IKZF3: variants seen among roughly 807,000 people sequenced by gnomAD.
The protein encoded by IKZF3 is zinc finger protein Aiolos.
Under a neutral mutation model 49.0 loss-of-function variants are expected in IKZF3, and 10 were observed. The ratio of observed to expected loss-of-function variants is 0.20; its 90% CI spans 0.13 to 0.35. IKZF3 has a LOEUF of 0.35. Among genes scored for constraint, IKZF3 ranks in the 10% least tolerant of loss-of-function variants. The pLI, the probability that IKZF3 is intolerant of heterozygous loss-of-function variation, is 1.00. For synonymous variants in IKZF3, 209 were observed against 228.2 expected (o/e 0.92, Z 0.76); for missense variants, 498 against 664.8 (o/e 0.75, Z 2.76).
At chr17:39,856,026 T>C (rs904361114) in intron 1 of IKZF3, among the ~76,000 whole-genome samples, 1 of 145,830 alleles carries the variant, frequency 6.9e-6, no homozygotes, top group Non-Finnish European at 1.5e-5. Context: ...ATATTGTATA[T>C]GTACAATATA....
intron 1 of IKZF3, among the ~76,000 whole-genome samples, chr17:39,832,448 C>T (rs2062137541): frequency 1.3e-5 from 2 of 150,742 alleles, no homozygotes; most frequent in African/African-American, 4.9e-5. Flanking sequence ...TATTCTTCCC[C>T]AATATTTTAT....
chr17:39,771,833 G>A (rs1033868426), intron 7 of IKZF3, among the ~76,000 whole-genome samples: 4 of 152,086 alleles, frequency 2.6e-5, no homozygotes, highest in Admixed American at 1.3e-4. Flanking sequence ...TCAACCTCCT[G>A]GGCTCAAGTG....
chr17:39,848,073 CATGAAATACTT>C (rs2062686415), intron 1 of IKZF3, among the ~76,000 whole-genome samples: 1 of 152,148 alleles, frequency 6.6e-6, no homozygotes, highest in Non-Finnish European at 1.5e-5. Flanking sequence ...TCCCTCCAAT[CATGAAATACTT>C]CCTTCCCTAT....
At chr17:39,805,097 C>T (rs2144038510) in intron 3 of IKZF3, among the ~76,000 whole-genome samples, 1 of 152,306 alleles carries the variant, frequency 6.6e-6, no homozygotes, top group Non-Finnish European at 1.5e-5. Context: ...CTATAATATT[C>T]CCCGTTGTCC....
rs577475392 is a variant in IKZF3 at position 39,778,253 on chromosome 17, A to T, written c.710-486T>A. 4.6e-6 allele frequency: 4 copies of T among 860,876 alleles called. No individual in the cohort carries two copies. The East Asian group carries it at 4.9e-4, about 105-fold the overall frequency. The allele number at this position is 860,876 out of a possible 1,614,324, so 53.3% of individuals were successfully genotyped here. On this transcript the variant is annotated intron_variant, in intron 6 of 7. Coordinates refer to ENST00000346872, the MANE Select transcript of IKZF3 (RefSeq NM_012481.5). ...GGTACACTCACACAGATAGCAAGAC[A>T]TCTACTCAGTGATTTGTGTATTGAA... is the stretch of plus-strand genomic sequence containing the variant.
rs2060164879 is a variant in IKZF3 at position 39,760,748 on chromosome 17, G to C, written c.*5042C>G. 6.6e-6 allele frequency: 1 copy of C among 152,208 alleles called. No individual in the cohort carries two copies. The highest frequency in any genetic ancestry group is 1.5e-5 in the Non-Finnish European group (1 of 68,036). The allele number at this position is 152,208 out of a possible 1,614,324, so 9.4% of individuals were successfully genotyped here. On this transcript the variant is annotated 3_prime_UTR_variant, in exon 8 of 8. Coordinates refer to ENST00000346872, the MANE Select transcript of IKZF3 (RefSeq NM_012481.5). ...AAACTTTGTTCTGTCTGTTCCTCACGAAACAAAGCCGAAAAGAAAAACTTT... is the reference window on the plus strand; with the variant it reads ...AAACTTTGTTCTGTCTGTTCCTCACCAAACAAAGCCGAAAAGAAAAACTTT...
At chr17:39,806,233 C>T (rs1023592919) in intron 3 of IKZF3, among the ~76,000 whole-genome samples, 3 of 152,010 alleles carry the variant, frequency 2.0e-5, no homozygotes, top group South Asian at 2.1e-4. Context: ...TATATATAGG[C>T]GTAGCATAGT....
chr17:39,782,601 C>A (rs149882281), intron 6 of IKZF3, among the ~76,000 whole-genome samples: 1 of 152,160 alleles, frequency 6.6e-6, no homozygotes, highest in African/African-American at 2.4e-5. Context: ...GACTTGTTAT[C>A]TTGCCACTTC....
At chr17:39,778,728 G>A (rs1315561164) in intron 6 of IKZF3, among the ~76,000 whole-genome samples, 1 of 152,234 alleles carries the variant, frequency 6.6e-6, no homozygotes, top group East Asian at 1.9e-4. Context: ...TTGAACCTGG[G>A]AGGCAGAGGT....
At chr17:39,821,302 G>A (rs951275401) in intron 3 of IKZF3, among the ~76,000 whole-genome samples, 4 of 152,100 alleles carry the variant, frequency 2.6e-5, no homozygotes, top group East Asian at 1.9e-4. Flanking sequence ...TAGAGATTTG[G>A]TTGTGGATGG....
intron 7 of IKZF3, among the ~76,000 whole-genome samples, chr17:39,776,245 CA>C (rs1433599041): frequency 6.6e-6 from 1 of 152,132 alleles, no homozygotes; most frequent in East Asian, 1.9e-4. Flanking sequence ...CGTCTCAAAA[CA>C]AACCAACAAA....
chr17:39,788,225 G>T, intron 6 of IKZF3, 33 bp downstream of exon 6: 2 of 1,302,214 alleles, frequency 1.5e-6, no homozygotes, highest in Non-Finnish European at 2.2e-6. Context: ...TAGGACAGCA[G>T]ATGCTCACTA....
At chr17:39,822,789 A>G (rs2061846194) in intron 3 of IKZF3, among the ~76,000 whole-genome samples, 1 of 151,958 alleles carries the variant, frequency 6.6e-6, no homozygotes, top group Non-Finnish European at 1.5e-5. Flanking sequence ...TCACCATGTT[A>G]GCCAAGATGG....
At chr17:39,799,289 C>T (rs79815458) in intron 3 of IKZF3, among the ~76,000 whole-genome samples, 5,381 of 152,232 alleles carry the variant, frequency 0.035, 333 homozygotes, top group African/African-American at 0.12. Flanking sequence ...CATTAGCCTC[C>T]TAACTGGCCC....
Position 39,764,418 on chromosome 17 carries a change from T to C in IKZF3, c.*1372A>G, listed in dbSNP as rs1464790693. 3 of 150,534 alleles carry C rather than the reference T, an allele frequency of 2.0e-5. No homozygotes were observed. The highest frequency in any genetic ancestry group is 2.0e-4 in the East Asian group (1 of 5,112). 9.3% of individuals were successfully genotyped at this position (150,534 alleles called of 1,614,324 possible). A position where few individuals can be genotyped will look rare whatever the true frequency, so the allele number is the denominator to read the frequency against. Reference sequence around the variant, plus strand: ...AGGTCGAGGCTGCACTGAGCCATGATTGCACCACTGCACTCCAGCCTGGGC... The same window carrying C: ...AGGTCGAGGCTGCACTGAGCCATGACTGCACCACTGCACTCCAGCCTGGGC... On this transcript the variant is annotated 3_prime_UTR_variant, in exon 8 of 8. Transcript: ENST00000346872.
intron 1 of IKZF3, among the ~76,000 whole-genome samples, chr17:39,833,377 C>T (rs2062171139): frequency 6.6e-6 from 1 of 152,148 alleles, no homozygotes; most frequent in Non-Finnish European, 1.5e-5. Context: ...ACATTACCAT[C>T]ATCCCAGAAA....
intron 1 of IKZF3, among the ~76,000 whole-genome samples, chr17:39,838,526 A>G (rs2062370527): frequency 6.6e-6 from 1 of 151,852 alleles, no homozygotes; most frequent in Non-Finnish European, 1.5e-5. Context: ...TTTCCTTTAT[A>G]TCCTTTTCAT....
intron 1 of IKZF3, among the ~76,000 whole-genome samples, chr17:39,837,576 G>GA (rs2062331811): frequency 6.7e-6 from 1 of 148,544 alleles, no homozygotes; most frequent in African/African-American, 2.5e-5. Flanking sequence ...ACCTGGCCCA[G>GA]TTTTTTTTTC....
rs1233040472 is a variant in IKZF3, at chr17:39,765,750, C to T, written c.*40G>A. 37 of 1,464,782 alleles carry T rather than the reference C, an allele frequency of 2.5e-5. No individual in the cohort carries two copies. The South Asian group carries it at 2.8e-4, about 11-fold the overall frequency. 90.7% of individuals were successfully genotyped at this position (1,464,782 alleles called of 1,614,324 possible). Reference sequence around the variant, plus strand: ...AGGCGAGGTCATTGGTTTTTAGAAACGATGCTGAATACATAGGAGCAATCC... The same window carrying T: ...AGGCGAGGTCATTGGTTTTTAGAAATGATGCTGAATACATAGGAGCAATCC... On this transcript the variant is annotated 3_prime_UTR_variant, in exon 8 of 8. Coordinates refer to ENST00000346872, the MANE Select transcript of IKZF3 (RefSeq NM_012481.5).
Sources: gnomAD v4.1 joint callset for allele counts (sites outside exome capture counted in the v4.1 genomes callset) on GRCh38, gnomAD v4.1.1 for gene constraint, MANE v1.5 for transcripts, NCBI Gene and HGNC (gene_info 2026-07-23, HGNC 2026-07-21) for gene names.